The following DAAM1 variants were observed in gnomAD, a reference collection of about 807,000 sequenced individuals.
DAAM1 encodes disheveled-associated activator of morphogenesis 1.
Under a neutral mutation model 130.0 loss-of-function variants are expected in DAAM1, and 52 were observed. That is an observed-to-expected ratio of 0.40 (90% CI 0.32 to 0.50). The LOEUF is 0.50. Among genes scored for constraint, DAAM1 ranks in the 20% least tolerant of loss-of-function variants. DAAM1 has a pLI of 0.61. For missense variants in DAAM1, 1,134 were observed against 1,303.8 expected, an observed-to-expected ratio of 0.87 and a Z score of 2.01; for synonymous variants, 452 against 444.5, an observed-to-expected ratio of 1.02 and a Z score of -0.21.
At chr14:59,266,843 T>C (rs1882468284) in intron 2 of DAAM1, among the ~76,000 whole-genome samples, 1 of 152,204 alleles carries the variant, frequency 6.6e-6, no homozygotes. Flanking sequence ...GTCAAACACT[T>C]TTCCCAAATG....
chr14:59,320,994 A>G (rs1884983402), intron 5 of DAAM1, among the ~76,000 whole-genome samples: 1 of 152,198 alleles, frequency 6.6e-6, no homozygotes, highest in Non-Finnish European at 1.5e-5. Context: ...CATGTCTCCC[A>G]AAAACATGTA....
At chr14:59,327,668 A>G (rs1184884275) in intron 12 of DAAM1, among the ~76,000 whole-genome samples, 1 of 152,008 alleles carries the variant, frequency 6.6e-6, no homozygotes, top group African/African-American at 2.4e-5. Flanking sequence ...TGGCTGCCCA[A>G]AGTGCTGGGA....
At chr14:59,364,060 T>C (rs981273127) in intron 23 of DAAM1, among the ~76,000 whole-genome samples, 2 of 152,238 alleles carry the variant, frequency 1.3e-5, no homozygotes, top group African/African-American at 4.8e-5. Context: ...CTGAATGGTA[T>C]AAGACCAGCA....
intron 15 of DAAM1, among the ~76,000 whole-genome samples, chr14:59,333,639 C>CTGT (rs1382843615): frequency 6.6e-6 from 1 of 152,222 alleles, no homozygotes; most frequent in Non-Finnish European, 1.5e-5. Flanking sequence ...ATCGCTGATA[C>CTGT]TGTTCCATGC....
chr14:59,365,737 A>G (rs997123049), intron 23 of DAAM1, among the ~76,000 whole-genome samples: 1 of 152,242 alleles, frequency 6.6e-6, no homozygotes, highest in African/African-American at 2.4e-5. Context: ...GGGGCACTGC[A>G]TAAACACAGC....
chr14:59,349,165 C>T (rs1016155912), intron 17 of DAAM1, among the ~76,000 whole-genome samples: 6 of 152,320 alleles, frequency 3.9e-5, no homozygotes, highest in South Asian at 2.1e-4. Flanking sequence ...ACCCTGCCTT[C>T]GAGTTGCTGC....
At chr14:59,212,603 T>C (rs929567155) in intron 1 of DAAM1, among the ~76,000 whole-genome samples, 1 of 152,246 alleles carries the variant, frequency 6.6e-6, no homozygotes, top group Non-Finnish European at 1.5e-5. Flanking sequence ...TAGACAATGC[T>C]TATCAAAGGT....
intron 2 of DAAM1, among the ~76,000 whole-genome samples, chr14:59,276,358 A>G (rs1300556034): frequency 2.0e-5 from 3 of 152,076 alleles, no homozygotes; most frequent in Non-Finnish European, 4.4e-5. Flanking sequence ...TTGATGTTGT[A>G]CTTATTATCA....
At chr14:59,325,538 T>A (rs1210733920) in intron 8 of DAAM1, 126 bp from the exon 9 acceptor site, 1 of 795,018 alleles carries the variant, frequency 1.3e-6, no homozygotes, top group African/African-American at 1.7e-5. Flanking sequence ...TCAAATTTTG[T>A]TACATTGTTC....
chr14:59,311,555 T>TGA (rs1884595560), intron 3 of DAAM1, among the ~76,000 whole-genome samples: 1 of 141,902 alleles, frequency 7.0e-6, no homozygotes, highest in African/African-American at 2.6e-5. Flanking sequence ...GTTTATAAGT[T>TGA]AAAAAAAAAA....
chr14:59,251,970 G>A (rs1289508820), intron 1 of DAAM1, among the ~76,000 whole-genome samples: 2 of 152,164 alleles, frequency 1.3e-5, no homozygotes, highest in Non-Finnish European at 2.9e-5. Flanking sequence ...AAAGCTCAGC[G>A]TGCTGCCCCA....
intron 1 of DAAM1, among the ~76,000 whole-genome samples, chr14:59,235,237 C>T (rs1889255953): frequency 6.6e-6 from 1 of 152,054 alleles, no homozygotes; most frequent in African/African-American, 2.4e-5. Flanking sequence ...CATCTTTGTA[C>T]CTCTGGTAGA....
intron 11 of DAAM1, 43 bp from the exon 12 acceptor site, chr14:59,326,890 T>C (rs376590834): frequency 2.7e-5 from 43 of 1,610,348 alleles, no homozygotes; most frequent in Non-Finnish European, 3.4e-5. Context: ...GCAGTGGACC[T>C]TTTATATTTT....
chr14:59,349,355 T>A (rs1220212755), intron 17 of DAAM1, among the ~76,000 whole-genome samples: 1 of 152,274 alleles, frequency 6.6e-6, no homozygotes, highest in Non-Finnish European at 1.5e-5. Flanking sequence ...CAAAAGGGCC[T>A]GCAGTGCAAA....
chr14:59,250,560 TTG>T (rs1881590000), intron 1 of DAAM1, among the ~76,000 whole-genome samples: 2 of 152,220 alleles, frequency 1.3e-5, no homozygotes, highest in Non-Finnish European at 2.9e-5. Context: ...AATGGGGTTA[TTG>T]AGAAGGCTTG....
chr14:59,291,069 A>T lies in DAAM1; in HGVS notation c.184-148A>T. 5.9e-6 allele frequency: 4 copies of T among 675,556 alleles called. 1 individual carries two copies. The highest frequency in any genetic ancestry group is 9.6e-6 in the Non-Finnish European group (4 of 418,370). The allele number at this position is 675,556 out of a possible 1,614,324, so 41.8% of individuals were successfully genotyped here. On this transcript the variant is annotated intron_variant, in intron 2 of 24. Transcript: ENST00000360909. Reference sequence around the variant, plus strand: ...CATGCTTTCTTCTTGATGGAAAAACATACCTAACTTAGCTTCTTGATCTTT... The same window carrying T: ...CATGCTTTCTTCTTGATGGAAAAACTTACCTAACTTAGCTTCTTGATCTTT...
At chr14:59,359,060 T>C (rs1392800906) in intron 20 of DAAM1, among the ~76,000 whole-genome samples, 1 of 152,106 alleles carries the variant, frequency 6.6e-6, no homozygotes, top group African/African-American at 2.4e-5. Flanking sequence ...CTGGCAGTGG[T>C]TCAGATTCAC....
chr14:59,291,082 C>A, intron 2 of DAAM1, 135 bp from the exon 3 acceptor site: 1 of 731,776 alleles, frequency 1.4e-6, no homozygotes, highest in Non-Finnish European at 2.2e-6. Context: ...CCTAACTTAG[C>A]TTCTTGATCT....
In DAAM1 at chr14:59,352,583, GA is replaced by G; in HGVS notation, c.2220del (p.Glu740AspfsTer15). On this transcript the variant is annotated frameshift_variant, in exon 18 of 25. Coordinates refer to ENST00000360909, the MANE Select transcript of DAAM1 (RefSeq NM_001270520.2). LOFTEE classifies it high-confidence loss of function. ...DIDLLEEHKHELDRMAKADRF... is the reference protein window; with the variant it reads ...DIDLLEEHKHXLDRMAKADRF... Reference sequence around the variant, plus strand: ...TGACCTATTGGAGGAACATAAACACGAACTGGATCGGATGGCCAAGGCTGAT... The same window carrying G: ...TGACCTATTGGAGGAACATAAACACGACTGGATCGGATGGCCAAGGCTGAT... The G allele has an allele frequency of 6.2e-7, 1 of 1,613,528 alleles. No individual in the cohort carries two copies. Among genetic ancestry groups the G allele is most frequent in the Non-Finnish European group, 8.5e-7 (1 of 1,179,778 alleles).
Sources: gnomAD v4.1 joint callset for allele counts (sites outside exome capture counted in the v4.1 genomes callset) on GRCh38, gnomAD v4.1.1 for gene constraint, MANE v1.5 for transcripts, NCBI Gene and HGNC (gene_info 2026-07-23, HGNC 2026-07-21) for gene names.